AS3MT: variants seen among roughly 807,000 people sequenced by gnomAD.
AS3MT encodes the protein arsenite methyltransferase.
A neutral mutation model predicts 45.3 loss-of-function variants in AS3MT; 47 were observed. The observed-to-expected ratio is 1.04, with a 90% confidence interval of 0.82 to 1.32. AS3MT has a LOEUF of 1.32. Among genes scored for constraint, AS3MT ranks in the 40% most tolerant of loss-of-function variants. The probability of loss-of-function intolerance (pLI) is 0.00; values close to 1 mark genes in which losing one functional copy is unlikely to be tolerated. For synonymous variants in AS3MT, 141 were observed against 152.8 expected, an observed-to-expected ratio of 0.92 and a Z score of 0.57; for missense variants, 396 against 451.1, an observed-to-expected ratio of 0.88 and a Z score of 1.11.
intron 9 of AS3MT, among the ~76,000 whole-genome samples, chr10:102,883,352 C>T (rs1157016698): frequency 1.3e-5 from 2 of 151,690 alleles, no homozygotes; most frequent in African/African-American, 2.4e-5. Flanking sequence ...CTGCCCACCT[C>T]GGCCTCCCAA....
chr10:102,876,789 T>C (rs1844790763), intron 6 of AS3MT, among the ~76,000 whole-genome samples, 165 bp from the exon 7 acceptor site: 1 of 152,250 alleles, frequency 6.6e-6, no homozygotes, highest in South Asian at 2.1e-4. Context: ...GGCACTTGAC[T>C]ATTGATTGTA....
intron 10 of AS3MT, among the ~76,000 whole-genome samples, chr10:102,899,412 C>G (rs1272665403): frequency 1.3e-5 from 2 of 152,186 alleles, no homozygotes; most frequent in African/African-American, 2.4e-5. Context: ...CTTGGAGATC[C>G]TCTGCCAGAT....
chr10:102,898,587 C>G lies in AS3MT; in HGVS notation c.1021-2006C>G, dbSNP rs530312598. Reference sequence around the variant, plus strand: ...CCTCGGCGACAAAGGGAGACTCCCTCTCAAAAACAAAAAAACAACAAAACA... The same window carrying G: ...CCTCGGCGACAAAGGGAGACTCCCTGTCAAAAACAAAAAAACAACAAAACA... On this transcript the variant is annotated intron_variant, in intron 10 of 10. Transcript: ENST00000369880. Among the ~76,000 whole-genome samples the G allele has an allele frequency of 6.3e-4, 95 of 151,022 alleles. 2 individuals are homozygous for G. Among genetic ancestry groups the G allele is most frequent in the Non-Finnish European group, 1.3e-3 (85 of 67,764 alleles).
At chr10:102,893,232 T>G (rs1034490223) in intron 10 of AS3MT, among the ~76,000 whole-genome samples, 1 of 152,008 alleles carries the variant, frequency 6.6e-6, no homozygotes, top group Non-Finnish European at 1.5e-5. Context: ...CACCTTTGGC[T>G]TTTTGTTTGT....
intron 9 of AS3MT, among the ~76,000 whole-genome samples, chr10:102,887,622 A>G (rs760032998): frequency 5.3e-5 from 8 of 152,132 alleles, no homozygotes; most frequent in Non-Finnish European, 8.8e-5. Flanking sequence ...TGATGTAAGT[A>G]TAGCTACTCC....
intron 6 of AS3MT, among the ~76,000 whole-genome samples, chr10:102,875,766 G>A (rs989072108): frequency 1.2e-4 from 19 of 152,076 alleles, no homozygotes; most frequent in African/African-American, 4.6e-4. Context: ...GGGACTACAG[G>A]CGTGTGCCAC....
At chr10:102,872,682 C>G in intron 4 of AS3MT, 84 bp downstream of exon 4, 1 of 1,424,486 alleles carries the variant, frequency 7.0e-7, no homozygotes, top group Admixed American at 2.5e-5. Context: ...CGTGGCTCTT[C>G]AAGGATAATT....
At chr10:102,878,658 C>T (rs1590221476) in intron 8 of AS3MT, 148 bp downstream of exon 8, 5 of 1,331,616 alleles carry the variant, frequency 3.8e-6, no homozygotes, top group East Asian at 2.4e-5. Context: ...ACAATGGTAA[C>T]CCCCCAAAAA....
At chr10:102,886,415 C>T (rs1429859468) in intron 9 of AS3MT, among the ~76,000 whole-genome samples, 4 of 151,688 alleles carry the variant, frequency 2.6e-5, no homozygotes, top group African/African-American at 2.4e-5. Flanking sequence ...ACCTCCACCT[C>T]CCGGGTTCAA....
At chr10:102,873,342 C>T (rs1844726526) in intron 5 of AS3MT, 109 bp downstream of exon 5, 1 of 839,876 alleles carries the variant, frequency 1.2e-6, no homozygotes, top group Admixed American at 4.0e-5. Context: ...GTGCAGTGGC[C>T]CAATGTCAGC....
chr10:102,880,711 A>G (rs1360252001), intron 9 of AS3MT, among the ~76,000 whole-genome samples: 1 of 152,164 alleles, frequency 6.6e-6, no homozygotes, highest in African/African-American at 2.4e-5. Flanking sequence ...ACTGATTGAA[A>G]ACTTCCTCAA....
At chr10:102,895,407 G>A (rs1845148054) in intron 10 of AS3MT, among the ~76,000 whole-genome samples, 1 of 151,898 alleles carries the variant, frequency 6.6e-6, no homozygotes, top group South Asian at 2.1e-4. Flanking sequence ...CATCATGTTG[G>A]CCAGCCTGGT....
chr10:102,895,354 C>G (rs1476310444), intron 10 of AS3MT, among the ~76,000 whole-genome samples: 1 of 151,998 alleles, frequency 6.6e-6, no homozygotes, highest in South Asian at 2.1e-4. Flanking sequence ...CGCCAGCCAC[C>G]ATGCCTGGCT....
intron 1 of AS3MT, 25 bp downstream of exon 1, chr10:102,869,618 G>A (rs1039182731): frequency 2.7e-6 from 3 of 1,100,428 alleles, no homozygotes; most frequent in Non-Finnish European, 3.7e-6. Context: ...TGGGCGCCCC[G>A]CCCCAGCCCC....
chr10:102,871,546 CAAAAAAAAAAAA>C (rs748797211), intron 3 of AS3MT, among the ~76,000 whole-genome samples: 3 of 23,284 alleles, frequency 1.3e-4, no homozygotes, highest in Admixed American at 8.0e-4. Flanking sequence ...GACTCCGTCT[CAAAAAAAAAAAA>C]AAAAAAAAAA....
intron 10 of AS3MT, among the ~76,000 whole-genome samples, chr10:102,897,376 T>TC (rs1277333301): frequency 1.6e-5 from 2 of 128,246 alleles, no homozygotes; most frequent in Non-Finnish European, 3.4e-5. Flanking sequence ...AGAGTGAGGC[T>TC]CCGTCTCAAG....
intron 10 of AS3MT, among the ~76,000 whole-genome samples, chr10:102,892,289 G>A (rs1012708325): frequency 2.6e-5 from 4 of 152,048 alleles, no homozygotes; most frequent in Non-Finnish European, 5.9e-5. Flanking sequence ...AGAATCCCCC[G>A]TTTGGAATCC....
At chr10:102,895,014 A>T (rs576165351) in intron 10 of AS3MT, among the ~76,000 whole-genome samples, 4 of 152,332 alleles carry the variant, frequency 2.6e-5, no homozygotes, top group Admixed American at 2.0e-4. Context: ...GGGCTGTGTC[A>T]CAGGCCATTG....
Position 102,870,117 on chromosome 10 carries a change from G to C in AS3MT, c.76G>C (p.Asp26His). 6.2e-7 allele frequency: 1 copy of C among 1,614,148 alleles called. No homozygotes were observed. The highest frequency in any genetic ancestry group is 8.5e-7 in the Non-Finnish European group (1 of 1,180,044). ...YYGQVLKRSA[D>H]LQTNGCVTTA... Reference sequence around the variant, plus strand: ...CGGGCAGGTGCTGAAGAGATCGGCAGACCTCCAGACCAACGGCTGTGTCAC... The same window carrying C: ...CGGGCAGGTGCTGAAGAGATCGGCACACCTCCAGACCAACGGCTGTGTCAC... The change falls in exon 3 of 11, where the codon GAC becomes CAC. Residue 26 changes from aspartate to histidine, a missense_variant. By Grantham distance (81) the Asp-to-His change is moderately conservative. Coordinates refer to ENST00000369880, the MANE Select transcript of AS3MT (RefSeq NM_020682.4).
Sources: allele counts gnomAD v4.1 joint callset (sites outside exome capture counted in the v4.1 genomes callset), GRCh38; gene constraint gnomAD v4.1.1; transcripts MANE v1.5; gene names NCBI Gene and HGNC (gene_info 2026-07-23, HGNC 2026-07-21).